MDGA2: variants seen among roughly 807,000 people sequenced by gnomAD.
MDGA2 encodes MAM domain containing glycosylphosphatidylinositol anchor 2.
Under a neutral mutation model 117.8 loss-of-function variants are expected in MDGA2, and 40 were observed. That is an observed-to-expected ratio of 0.34 (90% CI 0.26 to 0.44). The LOEUF (loss-of-function observed/expected upper bound fraction) is 0.44, where lower values mean the gene tolerates loss of function less well. MDGA2 is among the 20% of genes least tolerant of loss of function. MDGA2 has a pLI of 1.00. For missense variants in MDGA2, 1,123 were observed against 1,250.6 expected, an observed-to-expected ratio of 0.90 and a Z score of 1.54; for synonymous variants, 452 against 439.0, an observed-to-expected ratio of 1.03 and a Z score of -0.37.
chr14:47,206,761 C>T (rs1885699363), intron 3 of MDGA2, among the ~76,000 whole-genome samples: 1 of 151,790 alleles, frequency 6.6e-6, no homozygotes, highest in Non-Finnish European at 1.5e-5. Flanking sequence ...TGGCAGTGTG[C>T]ACCTGGAGTC....
intron 6 of MDGA2, among the ~76,000 whole-genome samples, chr14:47,068,586 A>G (rs1890167868): frequency 6.6e-6 from 1 of 151,962 alleles, no homozygotes; most frequent in Non-Finnish European, 1.5e-5. Context: ...AATGTTAAAA[A>G]TTAGTGGGTA....
intron 8 of MDGA2, chr14:46,997,147 CT>C (rs1887324474): frequency 5.8e-6 from 1 of 172,976 alleles, no homozygotes; most frequent in African/African-American, 2.4e-5. Context: ...ATTTATCCCA[CT>C]GTGAATGATG....
At position 47,067,264 on chromosome 14, in the gene MDGA2, T is replaced by C. The variant is rs548586480; in HGVS notation, c.1196-5686A>G. On this transcript the variant is annotated intron_variant, in intron 6 of 16. Coordinates refer to ENST00000399232, the MANE Select transcript of MDGA2 (RefSeq NM_001113498.3). ...CACATTACTGGAGAGGCTGATTGCA[T>C]CTACCAAGGGGGAACATCTCTGAGG... is the stretch of plus-strand genomic sequence containing the variant. Among the ~76,000 whole-genome samples the C allele has an allele frequency of 5.0e-4, 76 of 152,314 alleles. 1 individual carries two copies. The highest frequency in any genetic ancestry group is 3.4e-3 in the Middle Eastern group (1 of 294).
intron 1 of MDGA2, among the ~76,000 whole-genome samples, chr14:47,640,259 T>C (rs1897399852): frequency 6.6e-6 from 1 of 152,142 alleles, no homozygotes; most frequent in Admixed American, 6.6e-5. Flanking sequence ...TCCCTGATGG[T>C]GTATATCCAG....
At chr14:47,118,749 C>A (rs78555152) in intron 5 of MDGA2, among the ~76,000 whole-genome samples, 3,333 of 152,028 alleles carry the variant, frequency 0.022, 40 homozygotes, top group Non-Finnish European at 0.033. Flanking sequence ...ACATCAACAA[C>A]AAAAAAAGGT....
chr14:47,198,463 T>G (rs2139431354), intron 3 of MDGA2, among the ~76,000 whole-genome samples: 1 of 152,168 alleles, frequency 6.6e-6, no homozygotes, highest in Middle Eastern at 3.4e-3. Flanking sequence ...TCCCAGCTAC[T>G]CGGGAGGCTG....
chr14:47,164,630 AG>A (rs1243323411), intron 3 of MDGA2, among the ~76,000 whole-genome samples: 1 of 152,202 alleles, frequency 6.6e-6, no homozygotes, highest in African/African-American at 2.4e-5. Context: ...GTGGAGAAAT[AG>A]GACACTTTTA....
At chr14:47,596,738 G>A (rs1896550747) in intron 1 of MDGA2, among the ~76,000 whole-genome samples, 1 of 152,166 alleles carries the variant, frequency 6.6e-6, no homozygotes, top group Non-Finnish European at 1.5e-5. Context: ...CAGGCATTCT[G>A]CTAAGTGGAG....
At chr14:47,426,287 T>C (rs1892687378) in intron 1 of MDGA2, among the ~76,000 whole-genome samples, 1 of 152,118 alleles carries the variant, frequency 6.6e-6, no homozygotes, top group Non-Finnish European at 1.5e-5. Flanking sequence ...GGTGATCTAA[T>C]GGTGATTTTT....
intron 1 of MDGA2, among the ~76,000 whole-genome samples, chr14:47,609,463 A>G (rs1896806960): frequency 8.6e-6 from 1 of 116,564 alleles, no homozygotes; most frequent in African/African-American, 3.1e-5. Flanking sequence ...ATATATATAT[A>G]TAAGTTTCTT....
intron 1 of MDGA2, among the ~76,000 whole-genome samples, chr14:47,587,393 T>A (rs993441661): frequency 3.3e-5 from 5 of 151,808 alleles, no homozygotes; most frequent in Non-Finnish European, 5.9e-5. Context: ...ATTGAAAAAA[T>A]ATATATAATG....
In MDGA2 at chr14:47,397,430, T is replaced by A. The variant is rs185415019; in HGVS notation, c.281-95880A>T. On this transcript the variant is annotated intron_variant, in intron 1 of 16. Transcript: ENST00000399232. ...CCACCATGGCATATGTATACCTATGTAACAAACCTGAACGTTCTGCACGTG... is the reference window on the plus strand; with the variant it reads ...CCACCATGGCATATGTATACCTATGAAACAAACCTGAACGTTCTGCACGTG... Among the ~76,000 whole-genome samples, 5 of 152,224 alleles carry A rather than the reference T, an allele frequency of 3.3e-5. No individual in the cohort carries two copies. The East Asian group carries it at 9.7e-4, about 29-fold the overall frequency.
intron 5 of MDGA2, among the ~76,000 whole-genome samples, chr14:47,101,782 G>A (rs1268898748): frequency 6.6e-6 from 1 of 152,132 alleles, no homozygotes; most frequent in Non-Finnish European, 1.5e-5. Context: ...AATTGATAAA[G>A]TTTTCTGAGG....
rs372911151 is a variant in MDGA2, at chr14:47,246,651, T to TA, written c.421-28457dup. Among the ~76,000 whole-genome samples, 135 of 151,772 alleles carry TA rather than the reference T, an allele frequency of 8.9e-4. 2 individuals are homozygous for TA. Among genetic ancestry groups the TA allele is most frequent in the African/African-American group, 3.1e-3 (128 of 41,490 alleles). On this transcript the variant is annotated intron_variant, in intron 2 of 16. Transcript: ENST00000399232. ...TTTCCCCAGGAATGAAGACTAGTAATAAGGTCAACAAACTGCAAAAACCAA... is the reference window on the plus strand; with the variant it reads ...TTTCCCCAGGAATGAAGACTAGTAATAAAGGTCAACAAACTGCAAAAACCAA...
At chr14:47,327,970 A>G (rs192033800) in intron 1 of MDGA2, among the ~76,000 whole-genome samples, 1 of 151,976 alleles carries the variant, frequency 6.6e-6, no homozygotes, top group Non-Finnish European at 1.5e-5. Flanking sequence ...CCTGCCTACA[A>G]TTGCTGAATG....
At chr14:47,384,524 T>A (rs555246048) in intron 1 of MDGA2, among the ~76,000 whole-genome samples, 1 of 152,122 alleles carries the variant, frequency 6.6e-6, no homozygotes, top group Admixed American at 6.6e-5. Flanking sequence ...TGGTATTATA[T>A]GGGCTGCACT....
chr14:47,422,907 A>AGATAGAT (rs200079053), intron 1 of MDGA2, among the ~76,000 whole-genome samples: 1 of 152,172 alleles, frequency 6.6e-6, no homozygotes, highest in Non-Finnish European at 1.5e-5. Flanking sequence ...GATTTTAAAT[A>AGATAGAT]GATAGATGAT....
chr14:47,170,265 A>C (rs1327586079), intron 3 of MDGA2, among the ~76,000 whole-genome samples: 1 of 152,184 alleles, frequency 6.6e-6, no homozygotes, highest in African/African-American at 2.4e-5. Context: ...AGAAGAAGGA[A>C]AGTAAGAAAC....
In MDGA2 at chr14:47,343,647, T is replaced by A. The variant is rs567896999; in HGVS notation, c.281-42097A>T. ...ATTTTCATTAATTATCTAAATAAAA[T>A]GACATAAAGATACAAAGGAAAGTTA... On this transcript the variant is annotated intron_variant, in intron 1 of 16. Coordinates refer to ENST00000399232, the MANE Select transcript of MDGA2 (RefSeq NM_001113498.3). Among the ~76,000 whole-genome samples, 20 of 152,220 alleles carry A rather than the reference T, an allele frequency of 1.3e-4. No homozygotes were observed. In the Middle Eastern group the frequency reaches 0.02, roughly 155 times the overall value.
Sources: allele counts gnomAD v4.1 joint callset (sites outside exome capture counted in the v4.1 genomes callset), GRCh38; gene constraint gnomAD v4.1.1; transcripts MANE v1.5; gene names NCBI Gene and HGNC (gene_info 2026-07-23, HGNC 2026-07-21).